The following KALRN variants were observed in gnomAD, a reference collection of about 807,000 sequenced individuals.
The protein encoded by KALRN is kalirin RhoGEF kinase.
KALRN carries 70 observed loss-of-function variants against 353.7 expected under a neutral mutation model. That is an observed-to-expected ratio of 0.20 (90% confidence interval 0.16 to 0.24). The LOEUF (loss-of-function observed/expected upper bound fraction) is 0.24. Among genes scored for constraint, KALRN ranks in the 10% least tolerant of loss-of-function variants. KALRN has a pLI of 1.00. For synonymous variants in KALRN, 1,391 were observed against 1,434.8 expected (o/e 0.97, Z 0.69); for missense variants, 2,791 against 3,756.7 (o/e 0.74, Z 6.72).
chr3:124,326,215 T>C (rs1580985732), intron 7 of KALRN, 44 bp downstream of exon 7: 2 of 1,568,684 alleles, frequency 1.3e-6, no homozygotes, highest in African/African-American at 1.3e-5. Flanking sequence ...GTAGGAAGGG[T>C]TGGGCATGGG....
intron 33 of KALRN, among the ~76,000 whole-genome samples, chr3:124,550,756 G>A (rs1156656148): frequency 5.3e-5 from 8 of 152,112 alleles, no homozygotes; most frequent in Admixed American, 1.3e-4. Flanking sequence ...TTGGGAGGCC[G>A]AGGTGGGCAG....
chr3:124,461,193 G>T (rs1330227787), intron 23 of KALRN, among the ~76,000 whole-genome samples: 2 of 152,122 alleles, frequency 1.3e-5, no homozygotes, highest in African/African-American at 4.8e-5. Context: ...GTGAAAATTA[G>T]ATAAAATTCA....
At chr3:124,680,184 G>T (rs1377258530) in intron 51 of KALRN, among the ~76,000 whole-genome samples, 2 of 152,264 alleles carry the variant, frequency 1.3e-5, no homozygotes, top group African/African-American at 2.4e-5. Context: ...CTGGAGCCAC[G>T]GCAGAGGCCT....
intron 1 of KALRN, among the ~76,000 whole-genome samples, chr3:124,068,357 T>C (rs1192583432): frequency 6.6e-6 from 1 of 152,178 alleles, no homozygotes; most frequent in Non-Finnish European, 1.5e-5. Context: ...GGTTACAGCA[T>C]GTGAGCATCC....
At chr3:124,154,647 G>A (rs2068701780) in intron 1 of KALRN, among the ~76,000 whole-genome samples, 1 of 152,204 alleles carries the variant, frequency 6.6e-6, no homozygotes, top group African/African-American at 2.4e-5. Context: ...CCATGCTCAT[G>A]GGTAGGAAGA....
At chr3:124,053,996 A>C (rs924997954) in intron 1 of KALRN, among the ~76,000 whole-genome samples, 1 of 152,372 alleles carries the variant, frequency 6.6e-6, no homozygotes. Context: ...CCAAATGCAA[A>C]GCTCAGATAT....
chr3:124,321,038 T>G (rs986605986), intron 6 of KALRN, among the ~76,000 whole-genome samples: 1 of 152,240 alleles, frequency 6.6e-6, no homozygotes, highest in African/African-American at 2.4e-5. Flanking sequence ...ATACTTTGAT[T>G]TGGTATACAC....
At position 124,637,399 on chromosome 3, in the gene KALRN, T is replaced by C. The variant is rs2081479846; in HGVS notation, c.5664+96T>C. Reference sequence around the variant, plus strand: ...GCCGTTTTCTCCTTTGCACCTGTCCTCATTCTTCCTATGTGATTGCAGCTA... The same window carrying C: ...GCCGTTTTCTCCTTTGCACCTGTCCCCATTCTTCCTATGTGATTGCAGCTA... On this transcript the variant is annotated intron_variant, in intron 37 of 59. Coordinates refer to ENST00000682506, the MANE Select transcript of KALRN (RefSeq NM_001388419.1). 7.9e-6 allele frequency: 7 copies of C among 881,760 alleles called. No homozygotes were observed. In the South Asian group the frequency reaches 9.5e-5, roughly 12 times the overall value. The allele number at this position is 881,760 out of a possible 1,614,324, so 54.6% of individuals were successfully genotyped here.
chr3:124,595,897 T>C (rs1170972262), intron 34 of KALRN, among the ~76,000 whole-genome samples: 1 of 152,100 alleles, frequency 6.6e-6, no homozygotes, highest in African/African-American at 2.4e-5. Flanking sequence ...ATATGTAGGG[T>C]ATAAAAAGTA....
At chr3:124,141,124 C>T (rs561325886) in intron 1 of KALRN, among the ~76,000 whole-genome samples, 21 of 152,246 alleles carry the variant, frequency 1.4e-4, no homozygotes, top group Admixed American at 4.6e-4. Flanking sequence ...CCCAGGGAAC[C>T]GGTCCTTCCT....
intron 9 of KALRN, among the ~76,000 whole-genome samples, chr3:124,341,948 CAG>C (rs2081772372): frequency 6.6e-6 from 1 of 151,162 alleles, no homozygotes; most frequent in African/African-American, 2.4e-5. Flanking sequence ...AAGGGAAAAA[CAG>C]AGCAAAATTT....
intron 27 of KALRN, among the ~76,000 whole-genome samples, chr3:124,477,713 A>C (rs574000834): frequency 6.6e-6 from 1 of 152,330 alleles, no homozygotes; most frequent in Non-Finnish European, 1.5e-5. Context: ...CTCAGTCCAC[A>C]TCTATTAAAT....
At chr3:124,250,367 G>A (rs1435034123) in intron 3 of KALRN, among the ~76,000 whole-genome samples, 2 of 152,182 alleles carry the variant, frequency 1.3e-5, no homozygotes, top group Non-Finnish European at 2.9e-5. Flanking sequence ...AGAATGAGGA[G>A]TGGTGATGGC....
At chr3:124,280,199 T>C (rs2075199683) in intron 5 of KALRN, among the ~76,000 whole-genome samples, 1 of 152,216 alleles carries the variant, frequency 6.6e-6, no homozygotes, top group Non-Finnish European at 1.5e-5. Context: ...CCCTTCCAGA[T>C]GTGCATTTTT....
intron 1 of KALRN, among the ~76,000 whole-genome samples, chr3:124,224,600 T>C (rs1266430991): frequency 6.6e-6 from 1 of 152,204 alleles, no homozygotes; most frequent in African/African-American, 2.4e-5. Flanking sequence ...ATTGAAGTTC[T>C]TCCATCACTA....
intron 34 of KALRN, among the ~76,000 whole-genome samples, chr3:124,612,224 A>G (rs1213971726): frequency 1.3e-5 from 2 of 151,758 alleles, no homozygotes; most frequent in African/African-American, 4.8e-5. Flanking sequence ...ATTTTTTGAG[A>G]CGGAGTTTTG....
intron 11 of KALRN, among the ~76,000 whole-genome samples, chr3:124,390,058 C>G (rs1472236039): frequency 6.6e-6 from 1 of 152,114 alleles, no homozygotes; most frequent in Non-Finnish European, 1.5e-5. Flanking sequence ...TTCTTTTTGC[C>G]TGGGGCCAAG....
At chr3:124,196,479 A>G (rs1030228535) in intron 1 of KALRN, among the ~76,000 whole-genome samples, 2 of 152,202 alleles carry the variant, frequency 1.3e-5, no homozygotes, top group African/African-American at 2.4e-5. Flanking sequence ...ATAAGCTCAT[A>G]TCAAAGAAAT....
chr3:124,487,300 A>G (rs1415626662), intron 28 of KALRN, among the ~76,000 whole-genome samples: 2 of 152,194 alleles, frequency 1.3e-5, no homozygotes, highest in Admixed American at 6.5e-5. Context: ...ACCAGATACT[A>G]TATATCTTTT....
Sources: gnomAD v4.1 joint callset for allele counts (sites outside exome capture counted in the v4.1 genomes callset) on GRCh38, gnomAD v4.1.1 for gene constraint, MANE v1.5 for transcripts, NCBI Gene and HGNC (gene_info 2026-07-23, HGNC 2026-07-21) for gene names.